Variants in NR3C2 observed in about 807,000 individuals in gnomAD.
The protein encoded by NR3C2 is mineralocorticoid receptor.
Under a neutral mutation model 86.4 loss-of-function variants are expected in NR3C2, and 15 were observed. The ratio of observed to expected loss-of-function variants is 0.17; its 90% CI spans 0.12 to 0.27. NR3C2 has a LOEUF of 0.27. NR3C2 is among the 10% of genes least tolerant of loss of function. The pLI, the probability that NR3C2 is intolerant of heterozygous loss-of-function variation, is 1.00. For synonymous variants in NR3C2, 458 were observed against 450.5 expected (o/e 1.02, Z -0.21); for missense variants, 960 against 1,195.6 (o/e 0.80, Z 2.91).
intron 2 of NR3C2, among the ~76,000 whole-genome samples, chr4:148,340,814 A>T (rs1425067156): frequency 6.6e-6 from 1 of 152,160 alleles, no homozygotes; most frequent in Non-Finnish European, 1.5e-5. Context: ...TGGACAAAAC[A>T]TTTGAACAGA....
At chr4:148,431,194 C>T (rs985994772) in intron 2 of NR3C2, among the ~76,000 whole-genome samples, 4 of 152,100 alleles carry the variant, frequency 2.6e-5, no homozygotes, top group African/African-American at 9.7e-5. Context: ...AAAAACACAA[C>T]TGCTCCTCTT....
At chr4:148,249,281 G>A (rs576039773) in intron 3 of NR3C2, among the ~76,000 whole-genome samples, 2 of 151,974 alleles carry the variant, frequency 1.3e-5, no homozygotes, top group African/African-American at 2.4e-5. Context: ...AGAGGAAGGA[G>A]GAGGTATTTG....
At chr4:148,203,218 G>GT (rs1179462339) in intron 3 of NR3C2, among the ~76,000 whole-genome samples, 1 of 151,884 alleles carries the variant, frequency 6.6e-6, no homozygotes, top group Non-Finnish European at 1.5e-5. Flanking sequence ...GGAACTATAT[G>GT]TTTCGTAGAG....
At chr4:148,152,666 C>A in intron 5 of NR3C2, 53 bp from the exon 6 acceptor site, 2 of 1,576,448 alleles carry the variant, frequency 1.3e-6, no homozygotes, top group South Asian at 1.1e-5. Flanking sequence ...TAAGTACATT[C>A]CAGGAAGATG....
intron 6 of NR3C2, among the ~76,000 whole-genome samples, chr4:148,146,209 CT>C (rs1320423227): frequency 6.6e-6 from 1 of 152,182 alleles, no homozygotes; most frequent in Non-Finnish European, 1.5e-5. Context: ...ATCGCTGGCC[CT>C]AACCCTGATG....
chr4:148,330,644 T>A (rs2149967518), intron 2 of NR3C2, among the ~76,000 whole-genome samples: 1 of 152,360 alleles, frequency 6.6e-6, no homozygotes, highest in Admixed American at 6.5e-5. Flanking sequence ...TCTAACACTG[T>A]TATTCTCCCA....
At chr4:148,129,855 C>T (rs1392936848) in intron 6 of NR3C2, among the ~76,000 whole-genome samples, 1 of 152,264 alleles carries the variant, frequency 6.6e-6, no homozygotes, top group East Asian at 1.9e-4. Context: ...CGCTTCGCCT[C>T]CCAAAGTGCT....
chr4:148,333,797 C>G (rs1744349787), intron 2 of NR3C2, among the ~76,000 whole-genome samples: 1 of 152,124 alleles, frequency 6.6e-6, no homozygotes, highest in Non-Finnish European at 1.5e-5. Context: ...TAGGACCCTG[C>G]CCGCTGGACC....
intron 3 of NR3C2, among the ~76,000 whole-genome samples, chr4:148,214,710 C>G (rs1737441120): frequency 6.6e-6 from 1 of 152,214 alleles, no homozygotes; most frequent in Non-Finnish European, 1.5e-5. Flanking sequence ...GAAAGAGCAG[C>G]TGCTACAGCT....
At chr4:148,379,981 A>G (rs1385950057) in intron 2 of NR3C2, among the ~76,000 whole-genome samples, 1 of 152,242 alleles carries the variant, frequency 6.6e-6, no homozygotes, top group Non-Finnish European at 1.5e-5. Flanking sequence ...ATTATTCAAA[A>G]AGGTATAAGG....
intron 6 of NR3C2, among the ~76,000 whole-genome samples, chr4:148,145,849 G>T (rs1290488365): frequency 6.6e-6 from 1 of 152,086 alleles, no homozygotes; most frequent in East Asian, 1.9e-4. Context: ...AAAAACAATG[G>T]AAATCTCAGG....
chr4:148,189,296 A>G (rs566595741), intron 4 of NR3C2, among the ~76,000 whole-genome samples: 3 of 152,260 alleles, frequency 2.0e-5, no homozygotes, highest in South Asian at 4.1e-4. Context: ...TGAGATGATC[A>G]TGTGATTTTT....
chr4:148,376,394 T>C lies in NR3C2; in HGVS notation c.1757+58710A>G, dbSNP rs1261806372. Among the ~76,000 whole-genome samples, 4 of 152,160 alleles carry C rather than the reference T, an allele frequency of 2.6e-5. 1 individual carries two copies. Among genetic ancestry groups the C allele is most frequent in the Admixed American group, 2.6e-4 (4 of 15,276 alleles). On this transcript the variant is annotated intron_variant, in intron 2 of 8. Coordinates refer to ENST00000358102, the MANE Select transcript of NR3C2 (RefSeq NM_000901.5). ...CCAACAGGAAGAACAAAGGGCTCAG[T>C]GTAGTGCTGCTGGTTTTGTGTGTTT...
chr4:148,442,487 G>A (rs72646914), upstream of NR3C2: 16 of 236,918 alleles, frequency 6.8e-5, no homozygotes, highest in Admixed American at 1.3e-4. Flanking sequence ...AAAGCCCGGA[G>A]GGGGAGTGGG....
chr4:148,382,228 C>G (rs915921749), intron 2 of NR3C2, among the ~76,000 whole-genome samples: 4 of 152,196 alleles, frequency 2.6e-5, no homozygotes, highest in African/African-American at 9.7e-5. Context: ...TGGCAGTCCT[C>G]TCTAGGATCT....
chr4:148,430,868 GAATA>G (rs1266481312), intron 2 of NR3C2, among the ~76,000 whole-genome samples: 3 of 152,058 alleles, frequency 2.0e-5, no homozygotes, highest in African/African-American at 4.8e-5. Context: ...AAAAATAAAA[GAATA>G]AATATAGGTT....
intron 6 of NR3C2, among the ~76,000 whole-genome samples, chr4:148,130,814 GTTTTGTTTTTTTTTT>G (rs1732999481): frequency 1.3e-5 from 1 of 77,054 alleles, no homozygotes. Context: ...GTTTTGTTTT[GTTTTGTTTTTTTTTT>G]TTTTTTTTTT....
intron 2 of NR3C2, among the ~76,000 whole-genome samples, chr4:148,385,561 C>G (rs1157924835): frequency 2.0e-5 from 3 of 152,014 alleles, no homozygotes; most frequent in Admixed American, 2.0e-4. Context: ...TTTTTGTCCA[C>G]CATTTTCAAC....
intron 6 of NR3C2, among the ~76,000 whole-genome samples, chr4:148,126,014 G>GCACAA (rs1368058208): frequency 3.0e-4 from 45 of 152,344 alleles, no homozygotes; most frequent in Non-Finnish European, 2.9e-5. Context: ...TGTCTGTGGA[G>GCACAA]CACAACACAA....
Sources: gnomAD v4.1 joint callset for allele counts (sites outside exome capture counted in the v4.1 genomes callset) on GRCh38, gnomAD v4.1.1 for gene constraint, MANE v1.5 for transcripts, NCBI Gene and HGNC (gene_info 2026-07-23, HGNC 2026-07-21) for gene names.